The following WDPCP variants were observed in gnomAD, a reference collection of about 807,000 sequenced individuals.
WDPCP encodes the protein WD repeat-containing and planar cell polarity effector protein fritz homolog.
In WDPCP, 71 loss-of-function variants were observed where a neutral mutation model predicts 93.1. That is an observed-to-expected ratio of 0.76 (90% CI 0.63 to 0.93). The LOEUF is 0.93. Among genes scored for constraint, WDPCP ranks in the 40% least tolerant of loss-of-function variants. WDPCP has a pLI of 0.00. For synonymous variants in WDPCP, 315 were observed against 315.0 expected, an observed-to-expected ratio of 1.00 and a Z score of 0.00; for missense variants, 844 against 887.4, an observed-to-expected ratio of 0.95 and a Z score of 0.62.
chr2:63,556,878 A>G (rs1575641886), intron 1 of WDPCP, among the ~76,000 whole-genome samples: 1 of 152,220 alleles, frequency 6.6e-6, no homozygotes, highest in Non-Finnish European at 1.5e-5. Flanking sequence ...ATTCTTACAG[A>G]AAAGAATTTC....
At chr2:63,493,741 T>C (rs1322270466) in intron 1 of WDPCP, among the ~76,000 whole-genome samples, 1 of 152,094 alleles carries the variant, frequency 6.6e-6, no homozygotes, top group African/African-American at 2.4e-5. Context: ...AAGGAATTTA[T>C]ATAATTTTCA....
chr2:63,320,828 C>A (rs578191107), intron 12 of WDPCP, among the ~76,000 whole-genome samples: 2 of 152,008 alleles, frequency 1.3e-5, no homozygotes, highest in Non-Finnish European at 2.9e-5. Flanking sequence ...GACTGAATTG[C>A]AACTACATCC....
chr2:63,823,894 TG>T (rs1433068759), intron 1 of WDPCP, among the ~76,000 whole-genome samples: 1 of 152,100 alleles, frequency 6.6e-6, no homozygotes, highest in Admixed American at 6.5e-5. Flanking sequence ...GGAAATGGGC[TG>T]GGCATGGTGG....
intron 12 of WDPCP, among the ~76,000 whole-genome samples, chr2:63,323,333 T>C (rs1444610959): frequency 6.6e-6 from 1 of 152,168 alleles, no homozygotes; most frequent in African/African-American, 2.4e-5. Context: ...ATTTCTAGTA[T>C]AAATTTGGGA....
chr2:63,249,591 C>T (rs887650728), intron 14 of WDPCP, among the ~76,000 whole-genome samples: 1 of 152,154 alleles, frequency 6.6e-6, no homozygotes, highest in African/African-American at 2.4e-5. Flanking sequence ...ACATTACCAG[C>T]TGCACATGTC....
At chr2:63,642,224 G>T (rs1161513261) in intron 3 of WDPCP, among the ~76,000 whole-genome samples, 2 of 151,940 alleles carry the variant, frequency 1.3e-5, no homozygotes, top group Non-Finnish European at 2.9e-5. Context: ...TCTTGATGTG[G>T]TATAATTTGA....
Position 63,338,564 on chromosome 2 carries a change from AAAAAAATATATATATATATATAT to A in WDPCP, c.1749-25276_1749-25254del, listed in dbSNP as rs1186878383. On this transcript the variant is annotated intron_variant, in intron 12 of 17. Transcript: ENST00000272321. ...CAAAACTCCATCTAAAAAAAAAAAA[AAAAAAATATATATATATATATAT>A]ATATATATATATATATATATATATA... is the stretch of plus-strand genomic sequence containing the variant. 4.5e-3 allele frequency among the ~76,000 whole-genome samples: 105 copies of A among 23,348 alleles called. 8 individuals are homozygous for A. Among genetic ancestry groups the A allele is most frequent in the Middle Eastern group, 0.024 (1 of 42 alleles). The allele number at this position is 23,348 out of a possible 152,430, so 15.3% of individuals were successfully genotyped here.
At chr2:63,267,012 A>T (rs1682189033) in intron 13 of WDPCP, among the ~76,000 whole-genome samples, 1 of 152,110 alleles carries the variant, frequency 6.6e-6, no homozygotes, top group Non-Finnish European at 1.5e-5. Context: ...ACCAGATAAT[A>T]CCCTAGAGAG....
At chr2:63,632,692 T>G (rs1709876766) in intron 3 of WDPCP, among the ~76,000 whole-genome samples, 1 of 152,016 alleles carries the variant, frequency 6.6e-6, no homozygotes, top group African/African-American at 2.4e-5. Context: ...AAAGGAAATT[T>G]TTAAAAGTGA....
chr2:63,530,301 A>G (rs985797479), intron 1 of WDPCP, among the ~76,000 whole-genome samples: 3 of 152,016 alleles, frequency 2.0e-5, no homozygotes, highest in Non-Finnish European at 2.9e-5. Context: ...TTAGGGTGTC[A>G]ATTTTAGATC....
At chr2:63,746,439 A>T (rs1438039154) in intron 2 of WDPCP, among the ~76,000 whole-genome samples, 1 of 152,188 alleles carries the variant, frequency 6.6e-6, no homozygotes, top group African/African-American at 2.4e-5. Context: ...TTTTCAGGGA[A>T]CAAGGGAGAT....
At chr2:63,670,602 A>G (rs1265463205) in intron 2 of WDPCP, among the ~76,000 whole-genome samples, 1 of 152,158 alleles carries the variant, frequency 6.6e-6, no homozygotes, top group East Asian at 1.9e-4. Context: ...GTGAGTGTGT[A>G]TAGAGGTAAA....
intron 2 of WDPCP, among the ~76,000 whole-genome samples, chr2:63,698,605 T>C (rs1267476043): frequency 6.6e-6 from 1 of 152,120 alleles, no homozygotes. Context: ...TTACAGAAAA[T>C]GGCATTTGCC....
intron 17 of WDPCP, among the ~76,000 whole-genome samples, chr2:63,142,817 G>GGTGTGTGT (rs143419326): frequency 6.8e-6 from 1 of 146,386 alleles, no homozygotes; most frequent in Admixed American, 6.8e-5. Flanking sequence ...CAGTGTTAGG[G>GGTGTGTGT]GTGTGTGTGT....
At chr2:63,799,664 T>G (rs549785787) in intron 2 of WDPCP, among the ~76,000 whole-genome samples, 1 of 152,318 alleles carries the variant, frequency 6.6e-6, no homozygotes, top group East Asian at 1.9e-4. Flanking sequence ...TTGTCTCATA[T>G]TCTTCTTTTT....
chr2:63,554,378 T>G (rs1379514299), intron 1 of WDPCP, among the ~76,000 whole-genome samples: 3 of 152,194 alleles, frequency 2.0e-5, no homozygotes, highest in Non-Finnish European at 4.4e-5. Context: ...TGTCACTTGG[T>G]AAATTGGTGT....
intron 14 of WDPCP, among the ~76,000 whole-genome samples, chr2:63,212,625 C>G (rs181299910): frequency 2.6e-4 from 39 of 152,190 alleles, no homozygotes; most frequent in African/African-American, 7.9e-4. Flanking sequence ...CAATATTAAC[C>G]TTACATGTAA....
At chr2:63,791,173 T>C (rs1288587924) in intron 2 of WDPCP, among the ~76,000 whole-genome samples, 1 of 152,148 alleles carries the variant, frequency 6.6e-6, no homozygotes, top group Non-Finnish European at 1.5e-5. Flanking sequence ...CCACATATAA[T>C]TGCTCAATTC....
chr2:63,325,734 C>T (rs770527220), intron 12 of WDPCP, among the ~76,000 whole-genome samples: 2 of 152,206 alleles, frequency 1.3e-5, no homozygotes, highest in South Asian at 2.1e-4. Context: ...AAAGCTGGAG[C>T]TATTAGCTAC....
Sources: gnomAD v4.1 joint callset for allele counts (sites outside exome capture counted in the v4.1 genomes callset) on GRCh38, gnomAD v4.1.1 for gene constraint, MANE v1.5 for transcripts, NCBI Gene and HGNC (gene_info 2026-07-23, HGNC 2026-07-21) for gene names.